SEC24A: variants seen among roughly 807,000 people sequenced by gnomAD.
The protein encoded by SEC24A is protein transport protein Sec24A.
Under a neutral mutation model 129.4 loss-of-function variants are expected in SEC24A, and 93 were observed. That is an observed-to-expected ratio of 0.72 (90% CI 0.61 to 0.85). The LOEUF is 0.85. Among genes scored for constraint, SEC24A ranks in the 40% least tolerant of loss-of-function variants. The probability of loss-of-function intolerance (pLI) is 0.00; values close to 1 mark genes in which losing one functional copy is unlikely to be tolerated. For synonymous variants in SEC24A, 460 were observed against 467.3 expected (o/e 0.98, Z 0.20); for missense variants, 1,264 against 1,307.4 (o/e 0.97, Z 0.51).
rs564955030 is a variant in SEC24A at position 134,652,872 on chromosome 5, G to A, written c.97+3699G>A. Among the ~76,000 whole-genome samples, 83 of 152,178 alleles carry A rather than the reference G, an allele frequency of 5.5e-4. 1 individual carries two copies. The highest frequency in any genetic ancestry group is 1.9e-3 in the African/African-American group (77 of 41,544). Reference sequence around the variant, plus strand: ...TGCAGTGGTGCGATCTTGGCTCGCTGCAAGCTCCGCCTCCTGGGTTCATGC... The same window carrying A: ...TGCAGTGGTGCGATCTTGGCTCGCTACAAGCTCCGCCTCCTGGGTTCATGC... On this transcript the variant is annotated intron_variant, in intron 1 of 22. Transcript: ENST00000398844.
intron 6 of SEC24A, among the ~76,000 whole-genome samples, chr5:134,675,611 G>A (rs1751032783): frequency 1.3e-5 from 2 of 152,110 alleles, no homozygotes; most frequent in South Asian, 4.2e-4. Flanking sequence ...AAATGTATAT[G>A]ATCAATAATT....
Position 134,720,987 on chromosome 5 carries a change from C to T in SEC24A, c.2971-11C>T, listed in dbSNP as rs1233763553. 6.5e-7 allele frequency: 1 copy of T among 1,541,058 alleles called. No individual in the cohort carries two copies. The highest frequency in any genetic ancestry group is 1.7e-5 in the Admixed American group (1 of 59,558). On this transcript the variant is annotated splice_polypyrimidine_tract_variant and intron_variant, in intron 20 of 22. Transcript: ENST00000398844. ...TGCTGCATCTCAAAATAATTTTATTCCTGTCCCTAGGTACTGATGCTTTGG... is the reference window on the plus strand; with the variant it reads ...TGCTGCATCTCAAAATAATTTTATTTCTGTCCCTAGGTACTGATGCTTTGG...
intron 13 of SEC24A, among the ~76,000 whole-genome samples, chr5:134,696,219 G>A (rs920460909): frequency 6.6e-6 from 1 of 151,666 alleles, no homozygotes; most frequent in Non-Finnish European, 1.5e-5. Flanking sequence ...GCGGTGAGCT[G>A]AGATCATGCC....
At chr5:134,684,711 T>G (rs554782229) in intron 9 of SEC24A, among the ~76,000 whole-genome samples, 2 of 150,208 alleles carry the variant, frequency 1.3e-5, no homozygotes, top group East Asian at 4.0e-4. Flanking sequence ...AGACTCCATC[T>G]CAAAAAACAA....
At chr5:134,658,202 C>T (rs560533706) in intron 1 of SEC24A, among the ~76,000 whole-genome samples, 1 of 151,978 alleles carries the variant, frequency 6.6e-6, no homozygotes, top group South Asian at 2.1e-4. Context: ...ACCCAGGAGG[C>T]GGAGGTTGCA....
At chr5:134,651,597 A>T (rs1218746885) in intron 1 of SEC24A, among the ~76,000 whole-genome samples, 1 of 151,260 alleles carries the variant, frequency 6.6e-6, no homozygotes, top group Non-Finnish European at 1.5e-5. Context: ...CGCCCGGCCT[A>T]ATGTAAAGAT....
At chr5:134,716,379 G>C (rs1752476141) in intron 19 of SEC24A, among the ~76,000 whole-genome samples, 1 of 148,256 alleles carries the variant, frequency 6.7e-6, no homozygotes, top group South Asian at 2.1e-4. Flanking sequence ...CTGAGGCAGA[G>C]AATTGCTTGA....
intron 3 of SEC24A, among the ~76,000 whole-genome samples, chr5:134,669,448 G>A (rs928726322): frequency 2.0e-4 from 31 of 151,644 alleles, no homozygotes; most frequent in Admixed American, 2.0e-3. Context: ...TTACAGGCGT[G>A]AGCCACTGTG....
At position 134,692,710 on chromosome 5, in the gene SEC24A, G is replaced by A. The variant is rs187784937; in HGVS notation, c.1779+53G>A. 7.9e-5 allele frequency: 84 copies of A among 1,061,444 alleles called. No individual in the cohort carries two copies. The Admixed American group carries it at 1.3e-3, about 16-fold the overall frequency. 65.8% of individuals were successfully genotyped at this position (1,061,444 alleles called of 1,614,324 possible). On this transcript the variant is annotated intron_variant, in intron 12 of 22. Transcript: ENST00000398844. ...TTTAATTGAAATATTGAAGGAATAT[G>A]TTTTTGAAATGAACTTTAAGTAAAA...
In SEC24A at chr5:134,703,771, A is replaced by T. The variant is rs1438833175; in HGVS notation, c.2279A>T (p.His760Leu). The change falls in exon 16 of 23, where the codon CAT becomes CTT. Residue 760 changes from histidine (H) to leucine (L), a missense_variant. Physicochemically the swap from His to Leu is moderately conservative, Grantham distance 99. Coordinates refer to ENST00000398844, the MANE Select transcript of SEC24A (RefSeq NM_021982.3). ...RIRCTKGLSI[H>L]TFHGNFFVRS... The stretch of plus-strand genomic sequence containing the variant: ...TTTTCTCTTCTAGGTCTTTCCATTC[A>T]TACTTTCCATGGAAACTTCTTTGTT... 6.2e-7 allele frequency: 1 copy of T among 1,611,060 alleles called. No individual in the cohort carries two copies. Among genetic ancestry groups the T allele is most frequent in the Admixed American group, 1.7e-5 (1 of 59,906 alleles).
intron 1 of SEC24A, among the ~76,000 whole-genome samples, chr5:134,652,435 G>A (rs1009174012): frequency 2.7e-5 from 4 of 150,914 alleles, no homozygotes; most frequent in African/African-American, 7.3e-5. Flanking sequence ...ACAGGCATGC[G>A]CCACTATGTC....
At position 134,661,299 on chromosome 5, in the gene SEC24A, C is replaced by G. The variant is rs367589110; in HGVS notation, c.278C>G (p.Ser93Cys). The change falls in exon 2 of 23, where the codon TCT (serine) becomes TGT (cysteine). Residue 93 changes from serine to cysteine, a missense_variant. Ser to Cys is a moderately radical substitution (Grantham distance 112). Transcript: ENST00000398844. ...GQTLNRPPVA[S>C]NPVTPSLHSG... is the part of the protein sequence containing the mutation. Reference sequence around the variant, plus strand: ...ACTCTTAATAGACCACCTGTGGCCTCTAATCCAGTGACACCTTCGCTTCAT... The same window carrying G: ...ACTCTTAATAGACCACCTGTGGCCTGTAATCCAGTGACACCTTCGCTTCAT... 24 of 1,614,160 alleles carry G rather than the reference C, an allele frequency of 1.5e-5. No homozygotes were observed. The African/African-American group carries it at 2.4e-4, about 16-fold the overall frequency.
At chr5:134,653,458 C>G (rs545110444) in intron 1 of SEC24A, among the ~76,000 whole-genome samples, 2 of 152,134 alleles carry the variant, frequency 1.3e-5, no homozygotes, top group South Asian at 2.1e-4. Flanking sequence ...ACTCTGTTGC[C>G]CAGGATGGTC....
At chr5:134,704,643 TA>T (rs1705837550) in intron 16 of SEC24A, among the ~76,000 whole-genome samples, 2 of 151,730 alleles carry the variant, frequency 1.3e-5, no homozygotes, top group Admixed American at 1.3e-4. Context: ...TCTAAAAAAA[TA>T]TTTTTTTAAT....
chr5:134,681,408 CAAAT>C (rs1173783110), intron 8 of SEC24A, among the ~76,000 whole-genome samples: 1 of 150,226 alleles, frequency 6.7e-6, no homozygotes, highest in African/African-American at 2.5e-5. Context: ...CTCAAACAAA[CAAAT>C]AAAACAAAAC....
At chr5:134,654,587 C>A (rs1276260939) in intron 1 of SEC24A, among the ~76,000 whole-genome samples, 1 of 152,086 alleles carries the variant, frequency 6.6e-6, no homozygotes, top group East Asian at 1.9e-4. Context: ...ACTACAAGAC[C>A]TTAAACTAAT....
intron 11 of SEC24A, among the ~76,000 whole-genome samples, chr5:134,689,715 G>C (rs1580714747): frequency 6.6e-6 from 1 of 151,080 alleles, no homozygotes; most frequent in East Asian, 2.0e-4. Flanking sequence ...AGCAAGCCGA[G>C]ATCGTGCCAC....
intron 6 of SEC24A, 112 bp from the exon 7 acceptor site, chr5:134,675,911 T>C (rs1751042994): frequency 1.5e-6 from 1 of 663,950 alleles, no homozygotes; most frequent in Non-Finnish European, 2.4e-6. Flanking sequence ...ATTGAAATAT[T>C]TCATCTGTAA....
At chr5:134,682,991 A>G (rs990569927) in intron 9 of SEC24A, among the ~76,000 whole-genome samples, 1 of 152,132 alleles carries the variant, frequency 6.6e-6, no homozygotes, top group Non-Finnish European at 1.5e-5. Context: ...CTTATGTGAC[A>G]TTCAGAAATT....
Sources: allele counts gnomAD v4.1 joint callset (sites outside exome capture counted in the v4.1 genomes callset), GRCh38; gene constraint gnomAD v4.1.1; transcripts MANE v1.5; gene names NCBI Gene and HGNC (gene_info 2026-07-23, HGNC 2026-07-21).